The following MAF variants were observed in gnomAD, a reference collection of about 807,000 sequenced individuals.
The protein encoded by MAF is MAF bZIP transcription factor.
In MAF, 10 loss-of-function variants were observed where a neutral mutation model predicts 22.0. The ratio of observed to expected loss-of-function variants is 0.45; its 90% CI spans 0.28 to 0.77. MAF has a LOEUF of 0.77. Ranked by LOEUF, MAF falls within the 30% of genes least tolerant of loss-of-function variation. The pLI, the probability that MAF is intolerant of heterozygous loss-of-function variation, is 0.12. For synonymous variants in MAF, 337 were observed against 255.8 expected (o/e 1.32, Z -3.03); for missense variants, 544 against 548.4 (o/e 0.99, Z 0.08).
At chr16:79,248,932 G>A in the MAF span, among the ~76,000 whole-genome samples, 2 of 152,124 alleles carry the variant, frequency 1.3e-5, no homozygotes, top group East Asian at 1.9e-4. Flanking sequence ...ATTGCATTGG[G>A]TAAGAACATT....
the MAF span, among the ~76,000 whole-genome samples, chr16:79,500,262 G>C: frequency 6.6e-6 from 1 of 152,228 alleles, no homozygotes; most frequent in Non-Finnish European, 1.5e-5. Flanking sequence ...CACAGAGAGA[G>C]AGGGAGAAAG....
the MAF span, among the ~76,000 whole-genome samples, chr16:79,553,044 T>C: frequency 4.6e-5 from 7 of 152,216 alleles, no homozygotes; most frequent in African/African-American, 9.7e-5. Context: ...GGTTGTGTGA[T>C]CTTTGAACCT....
At chr16:79,567,760 C>T in the MAF span, among the ~76,000 whole-genome samples, 3 of 152,214 alleles carry the variant, frequency 2.0e-5, no homozygotes, top group Non-Finnish European at 4.4e-5. Context: ...TACAGGGCAA[C>T]AGGCTTTCCT....
chr16:79,306,240 GTCTTGTAAT>G, the MAF span, among the ~76,000 whole-genome samples: 1 of 152,184 alleles, frequency 6.6e-6, no homozygotes, highest in Admixed American at 6.5e-5. Flanking sequence ...GACTTGTCCT[GTCTTGTAAT>G]CCTGTGTGAT....
the MAF span, among the ~76,000 whole-genome samples, chr16:79,228,870 T>C: frequency 0.011 from 1,638 of 151,846 alleles, 44 homozygotes; most frequent in African/African-American, 0.037. Context: ...ATCATGTACA[T>C]AGACTACAGT....
At chr16:79,203,466 C>A in the MAF span, 1 of 151,804 alleles carries the variant, frequency 6.6e-6, no homozygotes, top group South Asian at 2.1e-4. Flanking sequence ...TAATTCCTTC[C>A]CATGATGTGG....
downstream of MAF, among the ~76,000 whole-genome samples, chr16:79,584,941 G>T (rs1398486507): frequency 6.6e-6 from 1 of 152,238 alleles, no homozygotes; most frequent in South Asian, 2.1e-4. Context: ...CAACTCACTG[G>T]ATCCTTAACG....
chr16:79,433,742 T>C, the MAF span, among the ~76,000 whole-genome samples: 1 of 152,158 alleles, frequency 6.6e-6, no homozygotes, highest in African/African-American at 2.4e-5. Flanking sequence ...GATGATAGTA[T>C]CACATGAGAA....
chr16:79,564,235 G>A, the MAF span, among the ~76,000 whole-genome samples: 1 of 152,208 alleles, frequency 6.6e-6, no homozygotes, highest in Non-Finnish European at 1.5e-5. Context: ...TGTTTCAGGA[G>A]AAGACGGAAG....
the MAF span, among the ~76,000 whole-genome samples, chr16:79,330,392 C>G: frequency 1.3e-5 from 2 of 152,210 alleles, no homozygotes. Context: ...ATTTTGTTAG[C>G]AATCCAAACA....
chr16:79,302,989 C>G, the MAF span, among the ~76,000 whole-genome samples: 73 of 152,344 alleles, frequency 4.8e-4, no homozygotes, highest in African/African-American at 1.7e-3. Context: ...ACTCGGCACT[C>G]CGGAGTTGCT....
At chr16:79,347,449 G>A in the MAF span, among the ~76,000 whole-genome samples, 9 of 152,350 alleles carry the variant, frequency 5.9e-5, no homozygotes, top group African/African-American at 2.2e-4. Context: ...CAAACCCAAA[G>A]CGAAGCTGTT....
chr16:79,554,754 T>G, the MAF span, among the ~76,000 whole-genome samples: 3 of 152,114 alleles, frequency 2.0e-5, no homozygotes, highest in African/African-American at 7.2e-5. Flanking sequence ...CAAATAAGAT[T>G]TTTGTACCCT....
chr16:79,553,528 T>G, the MAF span, among the ~76,000 whole-genome samples: 1 of 152,200 alleles, frequency 6.6e-6, no homozygotes, highest in South Asian at 2.1e-4. Context: ...CCTCAGCATA[T>G]TGCCTCCACA....
the MAF span, among the ~76,000 whole-genome samples, chr16:79,218,053 C>T: frequency 7.4e-6 from 1 of 134,532 alleles, no homozygotes; most frequent in Non-Finnish European, 1.5e-5. Context: ...TGTCTATTAA[C>T]TCTTTGTGTC....
chr16:79,418,475 G>A, the MAF span, among the ~76,000 whole-genome samples: 1 of 152,102 alleles, frequency 6.6e-6, no homozygotes, highest in Non-Finnish European at 1.5e-5. Context: ...CCTAATTAGT[G>A]CGCTGGGAGT....
At chr16:79,471,805 T>C in the MAF span, among the ~76,000 whole-genome samples, 1 of 152,224 alleles carries the variant, frequency 6.6e-6, no homozygotes. Context: ...TAATCCAATT[T>C]CTTCTTTATT....
chr16:79,312,625 G>T, the MAF span, among the ~76,000 whole-genome samples: 4 of 152,160 alleles, frequency 2.6e-5, no homozygotes, highest in African/African-American at 9.7e-5. Flanking sequence ...CCAATACCTA[G>T]GACCGTCTCT....
At chr16:79,444,871 G>A in the MAF span, among the ~76,000 whole-genome samples, 23 of 152,106 alleles carry the variant, frequency 1.5e-4, no homozygotes, top group African/African-American at 3.6e-4. Flanking sequence ...TAATTGCATT[G>A]CATGGGCCAA....
Sources: gnomAD v4.1 joint callset for allele counts (sites outside exome capture counted in the v4.1 genomes callset) on GRCh38, gnomAD v4.1.1 for gene constraint, MANE v1.5 for transcripts, NCBI Gene and HGNC (gene_info 2026-07-23, HGNC 2026-07-21) for gene names.